The following TBC1D9 variants were observed in gnomAD, a reference collection of about 807,000 sequenced individuals.
TBC1D9 encodes the protein TBC1 domain family member 9A.
Under a neutral mutation model 132.0 loss-of-function variants are expected in TBC1D9, and 63 were observed. The ratio of observed to expected loss-of-function variants is 0.48; its 90% CI spans 0.39 to 0.59. TBC1D9 has a LOEUF of 0.59. TBC1D9 is among the 20% of genes least tolerant of loss of function. The probability of loss-of-function intolerance (pLI) is 0.00; values close to 1 mark genes in which losing one functional copy is unlikely to be tolerated. For synonymous variants in TBC1D9, 610 were observed against 609.9 expected, an observed-to-expected ratio of 1.00 and a Z score of 0.00; for missense variants, 1,261 against 1,592.7, an observed-to-expected ratio of 0.79 and a Z score of 3.54.
At chr4:140,641,928 G>T in intron 13 of TBC1D9, 1 of 463,478 alleles carries the variant, frequency 2.2e-6, no homozygotes, top group Non-Finnish European at 3.9e-6. Context: ...AGGAAACACA[G>T]AAAGTATTTT....
chr4:140,700,619 G>C (rs1333474340), intron 2 of TBC1D9, among the ~76,000 whole-genome samples: 1 of 150,548 alleles, frequency 6.6e-6, no homozygotes, highest in Admixed American at 6.6e-5. Context: ...TCAGGAGTTC[G>C]AGACCAGCCT....
intron 2 of TBC1D9, among the ~76,000 whole-genome samples, chr4:140,697,068 A>G (rs141829345): frequency 8.8e-4 from 134 of 152,280 alleles, no homozygotes; most frequent in African/African-American, 3.0e-3. Context: ...TTAAATGGAA[A>G]TCAGTAAGAA....
At chr4:140,748,710 T>C (rs1738877108) in intron 1 of TBC1D9, among the ~76,000 whole-genome samples, 1 of 152,106 alleles carries the variant, frequency 6.6e-6, no homozygotes, top group Non-Finnish European at 1.5e-5. Flanking sequence ...AACAAAAATA[T>C]CCTTCAAGAA....
At chr4:140,719,159 T>TAAATAAATAAAA (rs1466535586) in intron 1 of TBC1D9, among the ~76,000 whole-genome samples, 1 of 135,940 alleles carries the variant, frequency 7.4e-6, no homozygotes, top group Admixed American at 7.5e-5. Flanking sequence ...AATAAATAAA[T>TAAATAAATAAAA]AAAAGAAAGT....
Position 140,686,406 on chromosome 4 carries a change from G to A in TBC1D9, c.298C>T (p.Gln100Ter), listed in dbSNP as rs1737781247. 1.2e-6 allele frequency: 2 copies of A among 1,612,546 alleles called. No homozygotes were observed. Among genetic ancestry groups the A allele is most frequent in the Non-Finnish European group, 1.7e-6 (2 of 1,179,156 alleles). Residue 100 changes from glutamine to a stop codon, truncating the protein, a stop_gained, in exon 3 of 21, where the codon CAG becomes TAG. Transcript: ENST00000442267. LOFTEE classifies it high-confidence loss of function. The stretch of plus-strand genomic sequence containing the variant: ...TCATTTTCAAAGATGGAGAGTGTCT[G>A]CAAGAGATTTTGCTCAAGCCATTCC... ...HWEWLEQNLL[Q>*]TLSIFENEND... is the part of the protein sequence containing the mutation.
chr4:140,686,455 G>A lies in TBC1D9; in HGVS notation c.249C>T (p.Ser83=), dbSNP rs758221044. The A allele has an allele frequency of 1.3e-6, 2 of 1,584,142 alleles. No individual in the cohort carries two copies. Among genetic ancestry groups the A allele is most frequent in the Non-Finnish European group, 1.7e-6 (2 of 1,154,878 alleles). The part of the protein sequence containing the change: ...LVYWTIACGG[S]RKEITEHWEW... ...CCCAGTGTTCAGTGATTTCTTTCCT[G>A]GAACCACCTGTACAAATGAAAATAA... The change falls in exon 3 of 21, where the codon TCC becomes TCT. Residue 83 remains serine, a synonymous_variant. Coordinates refer to ENST00000442267, the MANE Select transcript of TBC1D9 (RefSeq NM_015130.3).
rs904513974 is a variant in TBC1D9, at chr4:140,643,473, C to T, written c.2338-4045G>A. On this transcript the variant is annotated intron_variant, in intron 13 of 20. Transcript: ENST00000442267. Reference sequence around the variant, plus strand: ...GCTTGCCTCTTCCAGGTAGCAGGTGCTGCCGGGCACAGGCACGGCCTCCCG... The same window carrying T: ...GCTTGCCTCTTCCAGGTAGCAGGTGTTGCCGGGCACAGGCACGGCCTCCCG... 9 of 892,992 alleles carry T rather than the reference C, an allele frequency of 1.0e-5. No individual in the cohort carries two copies. In the Admixed American group the frequency reaches 1.3e-4, roughly 13 times the overall value. The allele number at this position is 892,992 out of a possible 1,614,324, so 55.3% of individuals were successfully genotyped here.
At chr4:140,637,003 A>T (rs751359861) in intron 15 of TBC1D9, among the ~76,000 whole-genome samples, 5 of 152,132 alleles carry the variant, frequency 3.3e-5, no homozygotes, top group Admixed American at 3.3e-4. Context: ...GGTTCAAATG[A>T]CACGGCTGTT....
At chr4:140,661,796 A>G in intron 10 of TBC1D9, 97 bp downstream of exon 10, 2 of 1,019,536 alleles carry the variant, frequency 2.0e-6, no homozygotes, top group Non-Finnish European at 2.9e-6. Context: ...GTAAAGTGAT[A>G]GTTCTGTTAA....
At chr4:140,709,248 T>A (rs113498308) in intron 1 of TBC1D9, among the ~76,000 whole-genome samples, 13,825 of 103,718 alleles carry the variant, frequency 0.13, 1,129 homozygotes, top group African/African-American at 0.23. Flanking sequence ...TCTCTCTCTC[T>A]CACACACACA....
At chr4:140,711,661 ATAAAT>A (rs1738245848) in intron 1 of TBC1D9, among the ~76,000 whole-genome samples, 1 of 152,260 alleles carries the variant, frequency 6.6e-6, no homozygotes, top group African/African-American at 2.4e-5. Context: ...CAATGTCTAA[ATAAAT>A]TATAGTACAT....
intron 3 of TBC1D9, among the ~76,000 whole-genome samples, chr4:140,682,332 C>T (rs1489176063): frequency 6.6e-6 from 1 of 152,086 alleles, no homozygotes; most frequent in East Asian, 1.9e-4. Context: ...AGAACAAAGA[C>T]ATTAAGCTCG....
intron 3 of TBC1D9, among the ~76,000 whole-genome samples, chr4:140,683,360 A>G (rs1560884475): frequency 6.6e-6 from 1 of 152,180 alleles, no homozygotes; most frequent in South Asian, 2.1e-4. Context: ...TCTCAACACT[A>G]AAAAAGGAAA....
At chr4:140,745,485 C>G (rs1738823519) in intron 1 of TBC1D9, among the ~76,000 whole-genome samples, 1 of 152,190 alleles carries the variant, frequency 6.6e-6, no homozygotes, top group African/African-American at 2.4e-5. Context: ...CTTCCTCAGC[C>G]TACTCAACTT....
At chr4:140,714,805 T>C (rs62346951) in intron 1 of TBC1D9, among the ~76,000 whole-genome samples, 9 of 152,266 alleles carry the variant, frequency 5.9e-5, no homozygotes, top group East Asian at 1.9e-4. Context: ...TAGAGTCAGG[T>C]TGGAATTAGG....
intron 9 of TBC1D9, among the ~76,000 whole-genome samples, chr4:140,662,380 A>T (rs1737376145): frequency 6.6e-6 from 1 of 151,976 alleles, no homozygotes; most frequent in Non-Finnish European, 1.5e-5. Flanking sequence ...GCTCTGAGGA[A>T]CTCCCACAGA....
intron 16 of TBC1D9, among the ~76,000 whole-genome samples, chr4:140,630,994 C>T (rs1253621309): frequency 6.6e-6 from 1 of 152,172 alleles, no homozygotes; most frequent in Non-Finnish European, 1.5e-5. Flanking sequence ...CTAGTGAATG[C>T]TCTCTCAGTT....
At chr4:140,692,490 C>T (rs561888731) in intron 2 of TBC1D9, among the ~76,000 whole-genome samples, 1 of 152,278 alleles carries the variant, frequency 6.6e-6, no homozygotes, top group African/African-American at 2.4e-5. Context: ...ATTTACCAAG[C>T]CACCCTTGTA....
intron 18 of TBC1D9, among the ~76,000 whole-genome samples, chr4:140,625,899 T>G (rs1736700078): frequency 6.6e-6 from 1 of 152,206 alleles, no homozygotes; most frequent in African/African-American, 2.4e-5. Context: ...CTTTATATGG[T>G]AAGATTCTAA....
Sources: allele counts gnomAD v4.1 joint callset (sites outside exome capture counted in the v4.1 genomes callset), GRCh38; gene constraint gnomAD v4.1.1; transcripts MANE v1.5; gene names NCBI Gene and HGNC (gene_info 2026-07-23, HGNC 2026-07-21).